Variants in PIK3C2G observed in about 807,000 individuals in gnomAD.
The protein encoded by PIK3C2G is phosphatidylinositol-4-phosphate 3-kinase catalytic subunit type 2 gamma, also known as phosphatidylinositol 3-kinase C2 domain-containing subunit gamma.
PIK3C2G carries 168 observed loss-of-function variants against 181.1 expected under a neutral mutation model. That is an observed-to-expected ratio of 0.93 (90% CI 0.82 to 1.05). The LOEUF (loss-of-function observed/expected upper bound fraction) is 1.05. PIK3C2G is among the 50% of genes least tolerant of loss of function. PIK3C2G has a pLI of 0.00. For missense variants in PIK3C2G, 1,869 were observed against 1,732.8 expected (o/e 1.08, Z -1.40); for synonymous variants, 573 against 592.2 (o/e 0.97, Z 0.47).
intron 26 of PIK3C2G, among the ~76,000 whole-genome samples, chr12:18,560,087 T>A (rs1945269310): frequency 6.6e-6 from 1 of 151,594 alleles, no homozygotes; most frequent in East Asian, 2.0e-4. Flanking sequence ...GGCCTCTGCC[T>A]CCCAAAGTGC....
intron 5 of PIK3C2G, among the ~76,000 whole-genome samples, chr12:18,296,493 C>A (rs10841010): frequency 0.35 from 53,629 of 151,868 alleles, 10,011 homozygotes; most frequent in Admixed American, 0.41. Context: ...AAATTATCCT[C>A]TTTTCCAGAA....
intron 24 of PIK3C2G, among the ~76,000 whole-genome samples, chr12:18,509,257 A>G (rs1264506840): frequency 1.3e-5 from 2 of 152,126 alleles, no homozygotes; most frequent in Admixed American, 6.5e-5. Context: ...TCTGTTGGCC[A>G]GACTGGTCTC....
intron 18 of PIK3C2G, among the ~76,000 whole-genome samples, chr12:18,471,046 G>C (rs539921920): frequency 6.6e-6 from 1 of 152,048 alleles, no homozygotes; most frequent in South Asian, 2.1e-4. Context: ...CCTAAGCATC[G>C]AATCAGACTT....
intron 31 of PIK3C2G, among the ~76,000 whole-genome samples, chr12:18,620,090 C>G (rs567095497): frequency 6.6e-6 from 1 of 152,104 alleles, no homozygotes; most frequent in East Asian, 1.9e-4. Flanking sequence ...GGTAAATATC[C>G]CATGTCCAAT....
the PIK3C2G span, among the ~76,000 whole-genome samples, chr12:18,661,381 AG>A: frequency 1.7e-5 from 1 of 59,448 alleles, no homozygotes; most frequent in Non-Finnish European, 5.8e-5. Context: ...AAAAAAAGAG[AG>A]AGAGAGAATC....
At chr12:18,458,131 G>A (rs1156243686) in intron 18 of PIK3C2G, among the ~76,000 whole-genome samples, 1 of 152,074 alleles carries the variant, frequency 6.6e-6, no homozygotes, top group Non-Finnish European at 1.5e-5. Flanking sequence ...CCATAAGCTA[G>A]GTTAGTTTTA....
chr12:18,307,389 T>A (rs532414171), intron 5 of PIK3C2G, among the ~76,000 whole-genome samples: 1 of 151,928 alleles, frequency 6.6e-6, no homozygotes, highest in East Asian at 1.9e-4. Flanking sequence ...AAGCCTAAAC[T>A]TTTTATTGTA....
intron 29 of PIK3C2G, among the ~76,000 whole-genome samples, chr12:18,568,415 T>A (rs904994944): frequency 1.3e-4 from 19 of 150,516 alleles, no homozygotes; most frequent in African/African-American, 4.4e-4. Context: ...TGTGTGTGTC[T>A]GTGTGTGTGT....
chr12:18,699,772 T>A, the PIK3C2G span: 1 of 1,602,956 alleles, frequency 6.2e-7, no homozygotes. Context: ...ACATTTCATC[T>A]ATTTGAGTCA....
chr12:18,290,432 A>C (rs1949643122), intron 3 of PIK3C2G, among the ~76,000 whole-genome samples: 1 of 152,216 alleles, frequency 6.6e-6, no homozygotes, highest in Non-Finnish European at 1.5e-5. Context: ...AAGAGAATTT[A>C]TTTGCCAAAA....
intron 29 of PIK3C2G, among the ~76,000 whole-genome samples, chr12:18,592,389 A>C (rs76028618): frequency 6.6e-6 from 1 of 151,846 alleles, no homozygotes; most frequent in Non-Finnish European, 1.5e-5. Context: ...AAAAGCAAAG[A>C]CAAGACAGAA....
chr12:18,250,181 T>G (rs1350036388), intron 1 of PIK3C2G, among the ~76,000 whole-genome samples: 1 of 152,062 alleles, frequency 6.6e-6, no homozygotes, highest in Non-Finnish European at 1.5e-5. Flanking sequence ...TGAAAATAGA[T>G]TTATACATTT....
At chr12:18,687,157 G>C in the PIK3C2G span, among the ~76,000 whole-genome samples, 1 of 152,068 alleles carries the variant, frequency 6.6e-6, no homozygotes, top group Non-Finnish European at 1.5e-5. Context: ...ATAGGATAAG[G>C]CAATAAAATC....
chr12:18,491,321 C>T, intron 19 of PIK3C2G, 130 bp from the exon 20 acceptor site: 1 of 590,304 alleles, frequency 1.7e-6, no homozygotes. Flanking sequence ...ACCTGCCTGA[C>T]CCCAAAGTCA....
At chr12:18,263,446 T>C (rs1948338776) in intron 1 of PIK3C2G, among the ~76,000 whole-genome samples, 1 of 152,122 alleles carries the variant, frequency 6.6e-6, no homozygotes, top group Admixed American at 6.6e-5. Flanking sequence ...ATTAAGCTTG[T>C]TAATTGTATA....
intron 31 of PIK3C2G, among the ~76,000 whole-genome samples, chr12:18,632,528 A>G (rs1389177548): frequency 1.3e-5 from 2 of 152,190 alleles, no homozygotes; most frequent in Non-Finnish European, 2.9e-5. Context: ...AAGCATCAAT[A>G]TAGACATAAA....
chr12:18,285,766 G>A (rs1949418681), intron 2 of PIK3C2G, among the ~76,000 whole-genome samples: 1 of 151,564 alleles, frequency 6.6e-6, no homozygotes, highest in African/African-American at 2.4e-5. Flanking sequence ...AAACATGTCA[G>A]GAGAAACAGA....
intron 16 of PIK3C2G, among the ~76,000 whole-genome samples, chr12:18,401,515 A>T (rs573793606): frequency 6.6e-5 from 10 of 152,304 alleles, no homozygotes; most frequent in Admixed American, 6.5e-4. Flanking sequence ...TTGGGCTATT[A>T]GCACAATTAT....
chr12:18,391,608 G>A (rs1369123131), intron 15 of PIK3C2G, among the ~76,000 whole-genome samples: 1 of 152,110 alleles, frequency 6.6e-6, no homozygotes, highest in African/African-American at 2.4e-5. Flanking sequence ...ACAGGGAAAA[G>A]CAACATTTAA....
Sources: gnomAD v4.1 joint callset for allele counts (sites outside exome capture counted in the v4.1 genomes callset) on GRCh38, gnomAD v4.1.1 for gene constraint, MANE v1.5 for transcripts, NCBI Gene and HGNC (gene_info 2026-07-23, HGNC 2026-07-21) for gene names.